SOX6: variants seen among roughly 807,000 people sequenced by gnomAD.
The protein encoded by SOX6 is transcription factor SOX-6.
Under a neutral mutation model 97.8 loss-of-function variants are expected in SOX6, and 11 were observed. The observed-to-expected ratio is 0.11, with a 90% CI of 0.07 to 0.19. The LOEUF (loss-of-function observed/expected upper bound fraction) is 0.19. Among genes scored for constraint, SOX6 ranks in the 10% least tolerant of loss-of-function variants. The pLI is 1.00. For missense variants in SOX6, 810 were observed against 1,039.5 expected, an observed-to-expected ratio of 0.78 and a Z score of 3.04; for synonymous variants, 360 against 371.4, an observed-to-expected ratio of 0.97 and a Z score of 0.35.
intron 6 of SOX6, among the ~76,000 whole-genome samples, chr11:16,132,414 AAAG>A (rs1298294001): frequency 2.9e-5 from 3 of 104,102 alleles, no homozygotes; most frequent in African/African-American, 1.4e-4. Context: ...AGAAAGAAAG[AAAG>A]AAAGAAAGAA....
intron 4 of SOX6, among the ~76,000 whole-genome samples, chr11:16,217,001 G>A (rs570699142): frequency 1.4e-4 from 21 of 152,136 alleles, no homozygotes; most frequent in Non-Finnish European, 2.4e-4. Context: ...ACTATGATTG[G>A]AAAAACAAAA....
At chr11:16,629,398 T>C (rs185798589) in intron 3 of SOX6, among the ~76,000 whole-genome samples, 106 of 152,316 alleles carry the variant, frequency 7.0e-4, no homozygotes, top group African/African-American at 2.5e-3. Flanking sequence ...GAATCACATT[T>C]ATTAATTTGT....
intron 4 of SOX6, among the ~76,000 whole-genome samples, chr11:16,506,012 T>C (rs2133147446): frequency 6.6e-6 from 1 of 152,320 alleles, no homozygotes; most frequent in Middle Eastern, 3.4e-3. Context: ...GCAGCATGGA[T>C]GCAAAATGTA....
chr11:16,265,089 C>T (rs1324177999), intron 3 of SOX6, among the ~76,000 whole-genome samples: 1 of 151,728 alleles, frequency 6.6e-6, no homozygotes, highest in African/African-American at 2.4e-5. Flanking sequence ...ACTTAGGTGG[C>T]TAGAAATTAC....
intron 3 of SOX6, among the ~76,000 whole-genome samples, chr11:16,632,615 C>T (rs950695851): frequency 9.2e-5 from 14 of 152,242 alleles, no homozygotes; most frequent in African/African-American, 3.4e-4. Context: ...TAAAGGTCCC[C>T]GGAGGGCAGG....
intron 12 of SOX6, among the ~76,000 whole-genome samples, chr11:16,038,365 T>C (rs1236405687): frequency 1.3e-5 from 2 of 151,944 alleles, no homozygotes; most frequent in African/African-American, 4.8e-5. Context: ...GTTAGGGCCA[T>C]CTAACTCCAA....
chr11:16,353,145 C>T (rs570452182), intron 1 of SOX6, among the ~76,000 whole-genome samples: 1 of 152,082 alleles, frequency 6.6e-6, no homozygotes, highest in Admixed American at 6.6e-5. Flanking sequence ...ATATGAGATC[C>T]AATTTCTACC....
At chr11:16,039,679 C>T (rs1170586196) in intron 12 of SOX6, among the ~76,000 whole-genome samples, 1 of 151,796 alleles carries the variant, frequency 6.6e-6, no homozygotes, top group African/African-American at 2.4e-5. Flanking sequence ...AAATGTAAAG[C>T]AAAAACATTC....
chr11:16,566,268 A>G (rs1404733891), intron 4 of SOX6, among the ~76,000 whole-genome samples: 1 of 152,206 alleles, frequency 6.6e-6, no homozygotes. Context: ...AGAAGTCTTC[A>G]TGAACCTTCT....
At chr11:16,714,218 C>T (rs200955116) in intron 3 of SOX6, among the ~76,000 whole-genome samples, 4 of 151,712 alleles carry the variant, frequency 2.6e-5, no homozygotes, top group Non-Finnish European at 5.9e-5. Flanking sequence ...ACTATCCTAG[C>T]GAACAAGAAA....
intron 1 of SOX6, among the ~76,000 whole-genome samples, chr11:16,395,189 C>T (rs1234919222): frequency 6.6e-6 from 1 of 151,774 alleles, no homozygotes; most frequent in Non-Finnish European, 1.5e-5. Context: ...ACCGTGTGTG[C>T]TACATGCTAA....
At chr11:16,490,429 A>G (rs570806202) in intron 4 of SOX6, among the ~76,000 whole-genome samples, 1 of 152,198 alleles carries the variant, frequency 6.6e-6, no homozygotes, top group South Asian at 2.1e-4. Context: ...TGTTCTATAT[A>G]CCACTTGTTT....
At chr11:16,734,984 T>G (rs967302722) in intron 2 of SOX6, among the ~76,000 whole-genome samples, 2 of 152,208 alleles carry the variant, frequency 1.3e-5, no homozygotes, top group African/African-American at 4.8e-5. Flanking sequence ...CCTCAAGAAC[T>G]GAATTCTTAT....
chr11:16,424,817 G>A (rs1187044753), intron 1 of SOX6, among the ~76,000 whole-genome samples: 1 of 152,198 alleles, frequency 6.6e-6, no homozygotes, highest in Non-Finnish European at 1.5e-5. Flanking sequence ...CAAGCCATAT[G>A]GCTCTGGGGA....
At chr11:16,667,725 G>GA (rs1409014553) in intron 3 of SOX6, among the ~76,000 whole-genome samples, 1 of 151,990 alleles carries the variant, frequency 6.6e-6, no homozygotes, top group East Asian at 1.9e-4. Context: ...AAATGAACAA[G>GA]AAAAAATCAT....
At chr11:16,382,040 C>A (rs1441971910) in intron 1 of SOX6, among the ~76,000 whole-genome samples, 2 of 151,834 alleles carry the variant, frequency 1.3e-5, no homozygotes, top group Non-Finnish European at 2.9e-5. Context: ...TAAAATAGGC[C>A]ATTTCTTACG....
At chr11:16,582,900 A>T (rs955961418) in intron 4 of SOX6, among the ~76,000 whole-genome samples, 2 of 152,086 alleles carry the variant, frequency 1.3e-5, no homozygotes, top group Non-Finnish European at 2.9e-5. Context: ...TCTCCAAATT[A>T]TTCCAGAGCA....
rs192056806 is a variant in SOX6 at position 16,675,533 on chromosome 11, T to C, written n.429+39297A>G. ...AGAGTTACAAACCAAAAATAGGTAG[T>C]TCTTTGATGAGTGATTTTTTTATGT... On this transcript the variant is annotated intron_variant and non_coding_transcript_variant, in intron 3 of 5. Coordinates refer to the SOX6 transcript ENST00000524520. Among the ~76,000 whole-genome samples the C allele has an allele frequency of 3.3e-5, 5 of 152,336 alleles. No individual in the cohort carries two copies. The East Asian group carries it at 9.6e-4, about 29-fold the overall frequency.
At chr11:16,502,641 C>A (rs1860725838) in intron 4 of SOX6, among the ~76,000 whole-genome samples, 1 of 151,968 alleles carries the variant, frequency 6.6e-6, no homozygotes, top group Non-Finnish European at 1.5e-5. Flanking sequence ...GAAGGCAGGT[C>A]TTTTGAAATA....
Sources: gnomAD v4.1 joint callset for allele counts (sites outside exome capture counted in the v4.1 genomes callset) on GRCh38, gnomAD v4.1.1 for gene constraint, MANE v1.5 for transcripts, NCBI Gene and HGNC (gene_info 2026-07-23, HGNC 2026-07-21) for gene names.